PLXNB2: variants seen among roughly 807,000 people sequenced by gnomAD.
The protein encoded by PLXNB2 is plexin B2, also known as plexin-B2.
A neutral mutation model predicts 202.6 loss-of-function variants in PLXNB2; 85 were observed. The observed-to-expected ratio is 0.42, with a 90% CI of 0.35 to 0.50. The LOEUF is 0.50. Among genes scored for constraint, PLXNB2 ranks in the 20% least tolerant of loss-of-function variants. The probability of loss-of-function intolerance (pLI) is 0.02; values close to 1 mark genes in which losing one functional copy is unlikely to be tolerated. For missense variants in PLXNB2, 2,063 were observed against 2,586.2 expected, an observed-to-expected ratio of 0.80 and a Z score of 4.39; for synonymous variants, 1,239 against 1,137.6, an observed-to-expected ratio of 1.09 and a Z score of -1.79.
Position 50,289,095 on chromosome 22 carries a change from C to A in PLXNB2, c.1116G>T (p.Pro372=), listed in dbSNP as rs749759215. Residue 372 remains proline (P), a synonymous_variant, in exon 4 of 37, where the codon CCG becomes CCT. Transcript: ENST00000359337. This position sits in a 1 kb window ranked among gnomAD's most constrained non-coding sequence, Gnocchi z 8.0. ...CTCTGAGCCCGTCGCGGCTGCCCAG[C>A]GGGTAGGGCAGGTGCTCCGAGCCAC... ...FPCGSEHLPY[P]LGSRDGLRGT... 3.8e-6 allele frequency: 6 copies of A among 1,593,778 alleles called. No individual in the cohort carries two copies. In the East Asian group the frequency reaches 9.0e-5, roughly 24 times the overall value.
intron 2 of PLXNB2, among the ~76,000 whole-genome samples, chr22:50,292,824 C>G (rs2066976390): frequency 6.6e-6 from 1 of 152,220 alleles, no homozygotes; most frequent in Non-Finnish European, 1.5e-5. Context: ...CTGAGCCACC[C>G]CAGGGCCCGC....
chr22:50,300,065 G>A (rs2067581723), intron 1 of PLXNB2, among the ~76,000 whole-genome samples: 4 of 152,076 alleles, frequency 2.6e-5, no homozygotes, highest in Admixed American at 2.6e-4. Flanking sequence ...CAAGCTCCAC[G>A]GCCACCGCCC....
At chr22:50,305,641 AG>A (rs2147737337) in intron 1 of PLXNB2, among the ~76,000 whole-genome samples, 1 of 152,216 alleles carries the variant, frequency 6.6e-6, no homozygotes, top group African/African-American at 2.4e-5. Flanking sequence ...GGGCCCCCTG[AG>A]GGAAACCCCA....
At chr22:50,293,036 G>A (rs1025731805) in intron 2 of PLXNB2, among the ~76,000 whole-genome samples, 4 of 152,202 alleles carry the variant, frequency 2.6e-5, no homozygotes, top group Non-Finnish European at 2.9e-5. Context: ...GGAGTTCCTG[G>A]CCGACTGGTG....
At chr22:50,290,618 CA>C in intron 2 of PLXNB2, 21 bp from the exon 3 acceptor site, 1 of 1,540,982 alleles carries the variant, frequency 6.5e-7, no homozygotes, top group Non-Finnish European at 8.7e-7. Flanking sequence ...AGAGAAGGGT[CA>C]GGGGAGCCCC....
At chr22:50,283,284 C>T (rs934415687) in intron 16 of PLXNB2, 53 bp downstream of exon 16, 1 of 1,606,350 alleles carries the variant, frequency 6.2e-7, no homozygotes, top group South Asian at 1.1e-5. Flanking sequence ...GCGGGCAGAG[C>T]CCCTCCTCCC....
Position 50,306,735 on chromosome 22 carries a change from CCT to C in PLXNB2, c.-74+816_-74+817del, listed in dbSNP as rs1367339594. Among the ~76,000 whole-genome samples, 7 of 147,150 alleles carry C rather than the reference CCT, an allele frequency of 4.8e-5. No homozygotes were observed. In the South Asian group the frequency reaches 6.5e-4, roughly 14 times the overall value. ...CTCACCCTCACCCTCACCCTCACCCCCTGTCCTGACTCTGCCACAGCCCACAG... is the reference window on the plus strand; with the variant it reads ...CTCACCCTCACCCTCACCCTCACCCCGTCCTGACTCTGCCACAGCCCACAG... On this transcript the variant is annotated intron_variant, in intron 1 of 36. Transcript: ENST00000359337.
intron 1 of PLXNB2, among the ~76,000 whole-genome samples, chr22:50,306,299 C>T (rs1197568277): frequency 6.6e-6 from 1 of 152,236 alleles, no homozygotes; most frequent in Non-Finnish European, 1.5e-5. Context: ...CCAGGCCCAC[C>T]TGCTTGCTTC....
chr22:50,298,276 G>A (rs545710091), intron 1 of PLXNB2, among the ~76,000 whole-genome samples: 14 of 152,350 alleles, frequency 9.2e-5, no homozygotes, highest in Middle Eastern at 3.4e-3. Flanking sequence ...GCACAGGGAT[G>A]CTGGGCCTCC....
intron 2 of PLXNB2, among the ~76,000 whole-genome samples, chr22:50,293,462 G>T (rs981018946): frequency 2.6e-5 from 4 of 152,176 alleles, no homozygotes; most frequent in South Asian, 2.1e-4. Context: ...CAACGTCCAG[G>T]CCCCTCGGCC....
At position 50,277,681 on chromosome 22, in the gene PLXNB2, C is replaced by T; in HGVS notation, c.5106G>A (p.Val1702=). ...ILKNPHFIFD[V]HVHEVVDASL... is the part of the protein sequence containing the mutation. Reference sequence around the variant, plus strand: ...AGGCGTCCACCACCTCGTGGACATGCACGTCAAAGATGAAGTGGGGGTTCT... The same window carrying T: ...AGGCGTCCACCACCTCGTGGACATGTACGTCAAAGATGAAGTGGGGGTTCT... Residue 1702 remains valine (V), a synonymous_variant, in exon 33 of 37, where the codon GTG becomes GTA. Coordinates refer to ENST00000359337, the MANE Select transcript of PLXNB2 (RefSeq NM_012401.4). 1.2e-6 allele frequency: 2 copies of T among 1,608,706 alleles called. No individual in the cohort carries two copies. The highest frequency in any genetic ancestry group is 8.5e-7 in the Non-Finnish European group (1 of 1,177,090).
chr22:50,281,377 C>T lies in PLXNB2; in HGVS notation c.3645G>A (p.Val1215=). ...VIVPMVVVIA[V]SVYCYWRKSQ... is the part of the protein sequence containing the mutation. ...GGGCTCACCAGTAGCAGTAGACAGACACCGCGATGACGACCACCATGGGCA... is the reference window on the plus strand; with the variant it reads ...GGGCTCACCAGTAGCAGTAGACAGATACCGCGATGACGACCACCATGGGCA... The change falls in exon 22 of 37, where the codon GTG becomes GTA. Residue 1215 remains valine, a synonymous_variant. Coordinates refer to ENST00000359337, the MANE Select transcript of PLXNB2 (RefSeq NM_012401.4). The T allele has an allele frequency of 6.2e-7, 1 of 1,612,194 alleles. No individual in the cohort carries two copies. Among genetic ancestry groups the T allele is most frequent in the Non-Finnish European group, 8.5e-7 (1 of 1,179,748 alleles).
Position 50,291,371 on chromosome 22 carries a change from C to T in PLXNB2, c.-13-774G>A, listed in dbSNP as rs903167881. 4.6e-5 allele frequency among the ~76,000 whole-genome samples: 7 copies of T among 152,098 alleles called. No homozygotes were observed. Among genetic ancestry groups the T allele is most frequent in the Non-Finnish European group, 8.8e-5 (6 of 68,006 alleles). On this transcript the variant is annotated intron_variant, in intron 2 of 36. Coordinates refer to ENST00000359337, the MANE Select transcript of PLXNB2 (RefSeq NM_012401.4). This position sits in a 1 kb window ranked among gnomAD's most constrained non-coding sequence, Gnocchi z 4.3. ...CCACCAGGTCTCAGAGGCAGAGGCC[C>T]CCACATCTGCAGCCTGGACAGGCTG... is the stretch of plus-strand genomic sequence containing the variant.
intron 33 of PLXNB2, 116 bp downstream of exon 33, chr22:50,277,475 A>T: frequency 1.8e-6 from 2 of 1,086,776 alleles, no homozygotes; most frequent in Non-Finnish European, 2.6e-6. Context: ...TCCTACATCA[A>T]GGGCTCCAGC....
rs112116434 is a variant in PLXNB2 at position 50,279,861 on chromosome 22, C to A, written c.4243-85G>T. The A allele has an allele frequency of 8.9e-3, 13,575 of 1,525,604 alleles. 82 individuals carry two copies. Among genetic ancestry groups the A allele is most frequent in the Non-Finnish European group, 0.011 (12,195 of 1,108,898 alleles). The allele number at this position is 1,525,604 out of a possible 1,614,324, so 94.5% of individuals were successfully genotyped here. ...CCGGAGCCCTGGCCAGAGGCATGGA[C>A]GGGGCTGACCATGTCAGGGGCAGGA... On this transcript the variant is annotated intron_variant, in intron 26 of 36. Coordinates refer to ENST00000359337, the MANE Select transcript of PLXNB2 (RefSeq NM_012401.4).
chr22:50,282,951 C>T (rs570792977), intron 17 of PLXNB2, 70 bp from the exon 18 acceptor site: 220 of 1,554,274 alleles, frequency 1.4e-4, no homozygotes, highest in Non-Finnish European at 1.9e-4. Context: ...ACCAGGCTGG[C>T]CCCGCCATCC....
chr22:50,301,909 A>G (rs1427311790), intron 1 of PLXNB2, among the ~76,000 whole-genome samples: 1 of 152,236 alleles, frequency 6.6e-6, no homozygotes, highest in Non-Finnish European at 1.5e-5. Context: ...ACACATGACC[A>G]CACATGTGCA....
intron 2 of PLXNB2, among the ~76,000 whole-genome samples, chr22:50,293,607 G>A (rs769971849): frequency 1.4e-4 from 21 of 152,340 alleles, no homozygotes; most frequent in African/African-American, 3.6e-4. Flanking sequence ...GAATGCGCCC[G>A]CAGCTGGGAG....
Position 50,290,087 on chromosome 22 carries a change from G to A in PLXNB2, c.498C>T (p.Arg166=), listed in dbSNP as rs200929294. 1.1e-4 allele frequency: 180 copies of A among 1,613,094 alleles called. 1 individual carries two copies. The highest frequency in any genetic ancestry group is 2.2e-4 in the East Asian group (10 of 44,900). ...CATTGCCTTTGCCCACAAACAGCAC[G>A]CGGTCACCACCAGGACCCGTGGAGC... is the stretch of plus-strand genomic sequence containing the variant. The part of the protein sequence containing the change: ...LVSSTGPGGD[R]VLFVGKGNGP... The change falls in exon 3 of 37, where the codon CGC becomes CGT. Residue 166 remains arginine, a synonymous_variant. Transcript: ENST00000359337.
Sources: gnomAD v4.1 joint callset for allele counts (sites outside exome capture counted in the v4.1 genomes callset) on GRCh38, gnomAD v4.1.1 for gene constraint, Gnocchi (gnomAD v3.1) non-coding constraint, MANE v1.5 for transcripts, NCBI Gene and HGNC (gene_info 2026-07-23, HGNC 2026-07-21) for gene names.